Variants in ADD3 observed in about 807,000 individuals in gnomAD.
ADD3 encodes the protein gamma-adducin.
In ADD3, 25 loss-of-function variants were observed where a neutral mutation model predicts 80.2. The observed-to-expected ratio is 0.31, with a 90% CI of 0.23 to 0.44. The LOEUF (loss-of-function observed/expected upper bound fraction) is 0.44, where lower values mean the gene tolerates loss of function less well. Ranked by LOEUF, ADD3 falls within the 20% of genes least tolerant of loss-of-function variation. ADD3 has a pLI of 1.00. For synonymous variants in ADD3, 284 were observed against 289.6 expected (o/e 0.98, Z 0.20); for missense variants, 829 against 847.5 (o/e 0.98, Z 0.27).
intron 1 of ADD3, among the ~76,000 whole-genome samples, chr10:110,023,715 G>A (rs1358404527): frequency 6.6e-6 from 1 of 152,154 alleles, no homozygotes; most frequent in Non-Finnish European, 1.5e-5. Context: ...TTCTTAATCT[G>A]CTTTACTGCT....
chr10:110,003,973 A>T (rs11194947), upstream of ADD3, among the ~76,000 whole-genome samples: 39,846 of 152,010 alleles, frequency 0.26, 7,557 homozygotes, highest in African/African-American at 0.52. Context: ...TCGTGTATTC[A>T]TTTTTTAAAG....
At chr10:110,010,733 A>G (rs573582573) in intron 1 of ADD3, among the ~76,000 whole-genome samples, 1 of 152,350 alleles carries the variant, frequency 6.6e-6, no homozygotes, top group East Asian at 1.9e-4. Context: ...GAGGTTAAGT[A>G]TCTTCCCAAG....
intron 4 of ADD3, 78 bp from the exon 5 acceptor site, chr10:110,117,264 G>T: frequency 8.8e-6 from 6 of 685,322 alleles, no homozygotes; most frequent in South Asian, 5.9e-5. Context: ...ATTATTCATT[G>T]TAAATATATT....
intron 1 of ADD3, among the ~76,000 whole-genome samples, chr10:110,062,664 G>A (rs567439596): frequency 1.8e-4 from 27 of 152,276 alleles, no homozygotes; most frequent in South Asian, 1.0e-3. Context: ...AATGGTAACC[G>A]ATTTTAATAA....
chr10:110,063,162 C>A (rs1843412913), intron 1 of ADD3, among the ~76,000 whole-genome samples: 1 of 152,034 alleles, frequency 6.6e-6, no homozygotes, highest in Non-Finnish European at 1.5e-5. Context: ...GTTAATGTTT[C>A]TTATCACTGA....
intron 8 of ADD3, among the ~76,000 whole-genome samples, chr10:110,121,386 G>A (rs1245846562): frequency 6.6e-6 from 1 of 152,220 alleles, no homozygotes; most frequent in African/African-American, 2.4e-5. Flanking sequence ...GGGAGGCTGA[G>A]GCGGGAGAAT....
chr10:110,051,036 G>A (rs956060462), intron 1 of ADD3, among the ~76,000 whole-genome samples: 7 of 152,100 alleles, frequency 4.6e-5, no homozygotes, highest in Non-Finnish European at 7.4e-5. Context: ...TTTTGACAAC[G>A]GTGCCAGCAC....
At chr10:110,118,064 ACACACACAC>A (rs1850999688) in intron 5 of ADD3, among the ~76,000 whole-genome samples, 1 of 136,096 alleles carries the variant, frequency 7.3e-6, no homozygotes, top group East Asian at 2.2e-4. Flanking sequence ...ACACACACAC[ACACACACAC>A]AATGTTCATA....
intron 1 of ADD3, among the ~76,000 whole-genome samples, chr10:110,095,084 T>A (rs1847996093): frequency 6.6e-6 from 1 of 152,220 alleles, no homozygotes; most frequent in South Asian, 2.1e-4. Context: ...TGGAAGGAGT[T>A]GTGATATAGT....
intron 1 of ADD3, among the ~76,000 whole-genome samples, chr10:110,061,853 C>G (rs994679304): frequency 6.6e-6 from 1 of 152,108 alleles, no homozygotes; most frequent in African/African-American, 2.4e-5. Flanking sequence ...TAACCAAAAT[C>G]ATTGTGGGAG....
chr10:110,111,178 G>A (rs1192080472), intron 2 of ADD3, among the ~76,000 whole-genome samples: 1 of 152,142 alleles, frequency 6.6e-6, no homozygotes, highest in Non-Finnish European at 1.5e-5. Flanking sequence ...CCTTCTTGGA[G>A]GAAGTGATTC....
In ADD3 at chr10:110,074,575, C is replaced by CT. The variant is rs754005451; in HGVS notation, c.-29-26037dup. Among the ~76,000 whole-genome samples the CT allele has an allele frequency of 7.1e-3, 1,020 of 143,170 alleles. 6 individuals carry two copies. The highest frequency in any genetic ancestry group is 0.017 in the African/African-American group (674 of 39,218). 93.9% of individuals were successfully genotyped at this position (143,170 alleles called of 152,430 possible). A position where few individuals can be genotyped will look rare whatever the true frequency, so the allele number is the denominator to read the frequency against. ...TTCAGTCATGGGGCTACCTCATTTC[C>CT]TTTTTTTTTTTTTATCTTAAACAAA... On this transcript the variant is annotated intron_variant, in intron 1 of 14. Coordinates refer to ENST00000356080, the MANE Select transcript of ADD3 (RefSeq NM_016824.5).
At chr10:110,040,568 A>C (rs894478444) in intron 1 of ADD3, among the ~76,000 whole-genome samples, 4 of 152,244 alleles carry the variant, frequency 2.6e-5, no homozygotes, top group Non-Finnish European at 4.4e-5. Flanking sequence ...AGACATATAC[A>C]TACCATGTTG....
upstream of ADD3, among the ~76,000 whole-genome samples, chr10:110,007,756 C>G (rs994132045): frequency 6.6e-6 from 1 of 151,562 alleles, no homozygotes; most frequent in African/African-American, 2.4e-5. Flanking sequence ...CCAGGACTCC[C>G]GAGGGGCGCT....
At chr10:110,032,928 G>C (rs1325144142) in intron 1 of ADD3, among the ~76,000 whole-genome samples, 1 of 152,186 alleles carries the variant, frequency 6.6e-6, no homozygotes, top group Non-Finnish European at 1.5e-5. Flanking sequence ...AGAGAAGTTA[G>C]AGTTAAATTA....
chr10:110,125,311 T>C lies in ADD3; in HGVS notation c.1402-515T>C, dbSNP rs542614858. ...AGCTCCTTCCAACCCCGTGGTTCTA[T>C]TTTGCTATTATATACCAGATTATCC... is the stretch of plus-strand genomic sequence containing the variant. On this transcript the variant is annotated intron_variant, in intron 10 of 14. Transcript: ENST00000356080. Among the ~76,000 whole-genome samples the C allele has an allele frequency of 1.2e-3, 183 of 152,328 alleles. 2 individuals carry two copies. In the South Asian group the frequency reaches 0.018, roughly 15 times the overall value.
upstream of ADD3, chr10:110,006,016 C>T (rs1390470360): frequency 5.7e-4 from 132 of 231,248 alleles, no homozygotes; most frequent in South Asian, 1.1e-3. Context: ...CCGCCGCCGC[C>T]GCTGCTGCTG....
chr10:110,125,085 A>G (rs1851980202), intron 10 of ADD3, among the ~76,000 whole-genome samples: 1 of 152,210 alleles, frequency 6.6e-6, no homozygotes, highest in African/African-American at 2.4e-5. Context: ...ATGGCATTCA[A>G]TATGAAAATA....
intron 1 of ADD3, among the ~76,000 whole-genome samples, chr10:110,061,546 A>C (rs1322237787): frequency 1.3e-5 from 2 of 152,258 alleles, no homozygotes; most frequent in South Asian, 2.1e-4. Context: ...TGCAGTGCCC[A>C]TAAGTGCTGA....
Sources: allele counts gnomAD v4.1 joint callset (sites outside exome capture counted in the v4.1 genomes callset), GRCh38; gene constraint gnomAD v4.1.1; transcripts MANE v1.5; gene names NCBI Gene and HGNC (gene_info 2026-07-23, HGNC 2026-07-21).